Variants in NCKAP5 observed in about 807,000 individuals in gnomAD.
NCKAP5 encodes NCK associated protein 5, also known as nck-associated protein 5.
Under a neutral mutation model 167.0 loss-of-function variants are expected in NCKAP5, and 92 were observed. The ratio of observed to expected loss-of-function variants is 0.55; its 90% CI spans 0.47 to 0.66. NCKAP5 has a LOEUF of 0.66. NCKAP5 is among the 30% of genes least tolerant of loss of function. The pLI is 0.00. For missense variants in NCKAP5, 2,378 were observed against 2,315.0 expected, an observed-to-expected ratio of 1.03 and a Z score of -0.56; for synonymous variants, 891 against 877.4, an observed-to-expected ratio of 1.02 and a Z score of -0.27.
intron 8 of NCKAP5, among the ~76,000 whole-genome samples, chr2:132,907,415 C>T (rs573121895): frequency 6.6e-6 from 1 of 152,306 alleles, no homozygotes; most frequent in Admixed American, 6.5e-5. Flanking sequence ...AATTTAGAGT[C>T]CTCTTTAAGT....
chr2:133,482,841 T>G (rs1680573950), intron 3 of NCKAP5, among the ~76,000 whole-genome samples: 1 of 152,308 alleles, frequency 6.6e-6, no homozygotes, highest in South Asian at 2.1e-4. Flanking sequence ...TCTCTATTAC[T>G]CTAACCCACC....
chr2:132,881,422 G>A (rs1031805786), intron 8 of NCKAP5, among the ~76,000 whole-genome samples: 1 of 152,006 alleles, frequency 6.6e-6, no homozygotes, highest in African/African-American at 2.4e-5. Context: ...TGATCTGCCC[G>A]CCTCGGCCTC....
intron 3 of NCKAP5, among the ~76,000 whole-genome samples, chr2:133,372,213 C>T (rs546561803): frequency 3.5e-4 from 54 of 152,202 alleles, no homozygotes; most frequent in African/African-American, 1.1e-3. Context: ...TGGGCAAAGA[C>T]GGTGGTGATG....
At chr2:133,544,811 T>C (rs1686522853) in intron 2 of NCKAP5, among the ~76,000 whole-genome samples, 1 of 152,228 alleles carries the variant, frequency 6.6e-6, no homozygotes, top group Non-Finnish European at 1.5e-5. Context: ...TTACTTATAC[T>C]TTCAGTTCAG....
At position 133,428,714 on chromosome 2, in the gene NCKAP5, C is replaced by T. The variant is rs528306697; in HGVS notation, c.69+88744G>A. On this transcript the variant is annotated intron_variant, in intron 3 of 19. Coordinates refer to ENST00000409261, the MANE Select transcript of NCKAP5 (RefSeq NM_207363.3). Reference sequence around the variant, plus strand: ...TCCAATTTGCACTAGAAACAGACTCCGGTAGAAAAATGGGCAAAGAATACA... The same window carrying T: ...TCCAATTTGCACTAGAAACAGACTCTGGTAGAAAAATGGGCAAAGAATACA... Among the ~76,000 whole-genome samples the T allele has an allele frequency of 2.5e-4, 38 of 152,044 alleles. 1 individual carries two copies. In the South Asian group the frequency reaches 7.1e-3, roughly 28 times the overall value.
At chr2:132,966,713 T>C (rs995164589) in intron 7 of NCKAP5, among the ~76,000 whole-genome samples, 4 of 152,202 alleles carry the variant, frequency 2.6e-5, no homozygotes, top group African/African-American at 7.2e-5. Context: ...TGTTGATTCA[T>C]TCACACTGAC....
chr2:132,829,204 C>T (rs913260798), intron 11 of NCKAP5, among the ~76,000 whole-genome samples: 4 of 152,072 alleles, frequency 2.6e-5, no homozygotes, highest in Non-Finnish European at 5.9e-5. Context: ...TCAAAGTAAA[C>T]AGCATGGCTT....
the NCKAP5 span, among the ~76,000 whole-genome samples, chr2:133,591,578 G>A: frequency 6.6e-6 from 1 of 152,172 alleles, no homozygotes; most frequent in Non-Finnish European, 1.5e-5. Flanking sequence ...AACAACTGTC[G>A]CTGTTGGCAC....
At chr2:132,936,774 A>G (rs1220685073) in intron 8 of NCKAP5, among the ~76,000 whole-genome samples, 2 of 152,104 alleles carry the variant, frequency 1.3e-5, no homozygotes, top group African/African-American at 4.8e-5. Context: ...TTTTTCTTTT[A>G]CTTTTTTATA....
chr2:133,610,687 A>AACAC, the NCKAP5 span, among the ~76,000 whole-genome samples: 1 of 151,898 alleles, frequency 6.6e-6, no homozygotes, highest in South Asian at 2.1e-4. Context: ...AAAGTTAATA[A>AACAC]ACACACACAC....
At chr2:133,375,229 G>T (rs1010314176) in intron 3 of NCKAP5, among the ~76,000 whole-genome samples, 1 of 152,156 alleles carries the variant, frequency 6.6e-6, no homozygotes, top group Non-Finnish European at 1.5e-5. Context: ...GCATTTTAGA[G>T]CTTATCCACC....
intron 4 of NCKAP5, among the ~76,000 whole-genome samples, chr2:133,214,024 T>C (rs2086322820): frequency 6.6e-6 from 1 of 152,246 alleles, no homozygotes; most frequent in South Asian, 2.1e-4. Context: ...GAGTAGATGC[T>C]TTGCTTTTAG....
chr2:133,601,235 T>C, the NCKAP5 span, among the ~76,000 whole-genome samples: 1 of 152,202 alleles, frequency 6.6e-6, no homozygotes, highest in African/African-American at 2.4e-5. Context: ...ATTGGGTCTT[T>C]TGAAATGAAA....
intron 19 of NCKAP5, among the ~76,000 whole-genome samples, chr2:132,685,494 G>A (rs984033456): frequency 2.6e-5 from 4 of 152,164 alleles, no homozygotes; most frequent in Non-Finnish European, 5.9e-5. Flanking sequence ...ATGTTTCTCT[G>A]GTGGCAGACA....
At chr2:133,593,901 C>T in the NCKAP5 span, among the ~76,000 whole-genome samples, 2 of 152,148 alleles carry the variant, frequency 1.3e-5, no homozygotes, top group African/African-American at 4.8e-5. Context: ...GTTATGGTCC[C>T]CTGTGCAAGT....
chr2:133,408,542 T>G (rs1437121266), intron 3 of NCKAP5, among the ~76,000 whole-genome samples: 1 of 152,162 alleles, frequency 6.6e-6, no homozygotes, highest in Non-Finnish European at 1.5e-5. Flanking sequence ...AAGAACTGAC[T>G]GCAGTTGGCA....
intron 11 of NCKAP5, among the ~76,000 whole-genome samples, chr2:132,802,347 C>A (rs935108770): frequency 6.6e-6 from 1 of 152,184 alleles, no homozygotes; most frequent in African/African-American, 2.4e-5. Flanking sequence ...GAACTTACTG[C>A]TTTTTCAGCT....
Position 132,782,489 on chromosome 2 carries a change from C to G in NCKAP5, c.4322G>C (p.Ser1441Thr), listed in dbSNP as rs1188664860. ...TCCAGAAGTTTCTAGCTTGGATGTA[C>G]TGCTTGTTTCAAAAGTGCTTGGATG... ...TQHPSTFETS[S>T]TSKLETSGRH... The change falls in exon 14 of 20, where the codon AGT becomes ACT. Residue 1441 changes from serine (S) to threonine (T), a missense_variant. Physicochemically the swap from Ser to Thr is moderately conservative, Grantham distance 58. Coordinates refer to ENST00000409261, the MANE Select transcript of NCKAP5 (RefSeq NM_207363.3). 6.2e-7 allele frequency: 1 copy of G among 1,610,116 alleles called. No individual in the cohort carries two copies. The highest frequency in any genetic ancestry group is 1.7e-5 in the Admixed American group (1 of 59,504).
intron 3 of NCKAP5, among the ~76,000 whole-genome samples, chr2:133,455,144 A>T (rs1358387836): frequency 6.6e-6 from 1 of 152,104 alleles, no homozygotes; most frequent in Non-Finnish European, 1.5e-5. Context: ...AGAACAGGAT[A>T]TTATTTACAG....
Sources: allele counts gnomAD v4.1 joint callset (sites outside exome capture counted in the v4.1 genomes callset), GRCh38; gene constraint gnomAD v4.1.1; transcripts MANE v1.5; gene names NCBI Gene and HGNC (gene_info 2026-07-23, HGNC 2026-07-21).